Variants in MR1 observed in about 807,000 individuals in gnomAD.
MR1 encodes major histocompatibility complex, class I-related.
MR1 carries 44 observed loss-of-function variants against 37.8 expected under a neutral mutation model. The ratio of observed to expected loss-of-function variants is 1.16; its 90% confidence interval spans 0.91 to 1.50. The LOEUF is 1.50. Among genes scored for constraint, MR1 ranks in the 40% most tolerant of loss-of-function variants. MR1 has a pLI of 0.00. For missense variants in MR1, 386 were observed against 419.1 expected (o/e 0.92, Z 0.69); for synonymous variants, 153 against 155.8 (o/e 0.98, Z 0.13).
Position 181,043,902 on chromosome 1 carries a change from C to T in MR1, c.68-5150C>T, listed in dbSNP as rs995278206. Among the ~76,000 whole-genome samples, 3 of 149,386 alleles carry T rather than the reference C, an allele frequency of 2.0e-5. No individual in the cohort carries two copies. In the East Asian group the frequency reaches 5.9e-4, roughly 29 times the overall value. ...TAGAGAAAAGAAAAATATAAACAAACTTGTAGCACAGAAGCTAATCCAACT... is the reference window on the plus strand; with the variant it reads ...TAGAGAAAAGAAAAATATAAACAAATTTGTAGCACAGAAGCTAATCCAACT... On this transcript the variant is annotated intron_variant, in intron 1 of 5. Coordinates refer to ENST00000367580, the MANE Select transcript of MR1 (RefSeq NM_001385161.1).
rs199739806 is a variant in MR1 at position 181,050,002 on chromosome 1, G to A, written c.329-9G>A. The A allele has an allele frequency of 1.9e-6, 3 of 1,610,280 alleles. No individual in the cohort carries two copies. The highest frequency in any genetic ancestry group is 2.5e-6 in the Non-Finnish European group (3 of 1,178,548). On this transcript the variant is annotated splice_polypyrimidine_tract_variant and intron_variant, in intron 2 of 5. Coordinates refer to ENST00000367580, the MANE Select transcript of MR1 (RefSeq NM_001385161.1). ...TGTGGACCCCTCTGGGCTTCTGTGTGTGTTCCAGGGTCTCACACTTACCAG... is the reference window on the plus strand; with the variant it reads ...TGTGGACCCCTCTGGGCTTCTGTGTATGTTCCAGGGTCTCACACTTACCAG...
chr1:181,053,525 A>T, intron 4 of MR1, 48 bp from the exon 5 acceptor site: 1 of 1,424,928 alleles, frequency 7.0e-7, no homozygotes, highest in South Asian at 1.2e-5. Flanking sequence ...AAGTTAACAC[A>T]GAAGGGAAAG....
chr1:181,036,617 G>T (rs894705775), intron 1 of MR1, among the ~76,000 whole-genome samples: 1 of 152,178 alleles, frequency 6.6e-6, no homozygotes. Context: ...CTTTCAGTGT[G>T]TTGCTTTCAT....
chr1:181,049,688 G>C (rs546054744), intron 2 of MR1: 4 of 477,926 alleles, frequency 8.4e-6, no homozygotes. Flanking sequence ...TTTCCCAGGG[G>C]TATTTCTGGC....
intron 1 of MR1, among the ~76,000 whole-genome samples, chr1:181,044,067 C>T (rs1423289827): frequency 6.6e-6 from 1 of 150,542 alleles, no homozygotes; most frequent in Non-Finnish European, 1.5e-5. Flanking sequence ...GGGTTCACAC[C>T]ATTCTCCTGC....
rs1195144654 is a variant in MR1 at position 181,058,995 on chromosome 1, C to A, written c.*3730C>A. The A allele has an allele frequency of 1.3e-5, 2 of 152,226 alleles. No homozygotes were observed. Among genetic ancestry groups the A allele is most frequent in the Non-Finnish European group, 2.9e-5 (2 of 68,040 alleles). The allele number at this position is 152,226 out of a possible 1,614,324, so 9.4% of individuals were successfully genotyped here. ...ACACATTCTTGCTTGTTAGCACCTG[C>A]TCTCTGGAGTTTGCTATTTTCTCAC... On this transcript the variant is annotated 3_prime_UTR_variant, in exon 6 of 6. Coordinates refer to ENST00000367580, the MANE Select transcript of MR1 (RefSeq NM_001385161.1).
intron 1 of MR1, among the ~76,000 whole-genome samples, chr1:181,035,295 C>T (rs575170853): frequency 5.3e-5 from 8 of 152,108 alleles, no homozygotes; most frequent in South Asian, 4.2e-4. Context: ...CGAGATCATG[C>T]CACTGCACTC....
chr1:181,040,516 A>C (rs1290620278), intron 1 of MR1, among the ~76,000 whole-genome samples: 1 of 152,166 alleles, frequency 6.6e-6, no homozygotes, highest in East Asian at 1.9e-4. Context: ...CAGAGGTAAC[A>C]TTTTAAAGGC....
chr1:181,043,961 C>CT (rs11347634), intron 1 of MR1, among the ~76,000 whole-genome samples: 1,250 of 98,194 alleles, frequency 0.013, 34 homozygotes, highest in African/African-American at 0.027. Context: ...TTTGTCTGAT[C>CT]TTTTTTTTTT....
chr1:181,033,841 G>A (rs931119057), upstream of MR1: 15 of 564,616 alleles, frequency 2.7e-5, no homozygotes, highest in African/African-American at 7.6e-5. Flanking sequence ...AAAAGTTACC[G>A]AAGAAGGTGT....
At chr1:181,041,175 T>C (rs1657536112) in intron 1 of MR1, among the ~76,000 whole-genome samples, 1 of 152,238 alleles carries the variant, frequency 6.6e-6, no homozygotes, top group African/African-American at 2.4e-5. Flanking sequence ...TCTCTCTATC[T>C]ACCTCTTTTA....
intron 5 of MR1, among the ~76,000 whole-genome samples, chr1:181,054,381 G>A (rs1233258194): frequency 6.6e-6 from 1 of 152,170 alleles, no homozygotes; most frequent in Admixed American, 6.5e-5. Flanking sequence ...CCTGGCTCTG[G>A]CTTCACTAAT....
intron 1 of MR1, among the ~76,000 whole-genome samples, chr1:181,041,294 A>G (rs1030275119): frequency 1.3e-5 from 2 of 152,156 alleles, no homozygotes; most frequent in African/African-American, 4.8e-5. Context: ...CTTAACTGGA[A>G]TAAATCCTGC....
At chr1:181,033,927 A>G (rs1488973439), upstream of MR1, 2 of 1,167,622 alleles carry the variant, frequency 1.7e-6, no homozygotes, top group Admixed American at 4.8e-5. Context: ...TCTTATTGGG[A>G]GAAGGCCTTG....
intron 5 of MR1, 135 bp downstream of exon 5, chr1:181,053,812 G>A (rs1222938858): frequency 1.5e-6 from 1 of 647,904 alleles, no homozygotes; most frequent in Non-Finnish European, 2.8e-6. Flanking sequence ...GAAGGACCTG[G>A]GACAACCCTC....
At chr1:181,034,144 C>A in intron 1 of MR1, 70 bp downstream of exon 1, 1 of 1,481,102 alleles carries the variant, frequency 6.8e-7, no homozygotes, top group Non-Finnish European at 9.2e-7. Flanking sequence ...AGCTTTTCTT[C>A]CTAAAACTTG....
chr1:181,049,344 C>A, intron 2 of MR1, 32 bp downstream of exon 2: 1 of 1,592,134 alleles, frequency 6.3e-7, no homozygotes, highest in Non-Finnish European at 8.6e-7. Context: ...ACGCTTCCCC[C>A]ATCCCACCCC....
intron 1 of MR1, among the ~76,000 whole-genome samples, chr1:181,048,307 G>A (rs12079484): frequency 0.43 from 65,187 of 151,572 alleles, 14,144 homozygotes; most frequent in Middle Eastern, 0.55. Flanking sequence ...AGGCCGAGGT[G>A]TGCAGATCAT....
At chr1:181,043,500 A>T (rs1657679332) in intron 1 of MR1, among the ~76,000 whole-genome samples, 1 of 152,174 alleles carries the variant, frequency 6.6e-6, no homozygotes, top group Non-Finnish European at 1.5e-5. Flanking sequence ...AAGTGGGAGG[A>T]TCACTTAAGG....
Sources: gnomAD v4.1 joint callset for allele counts (sites outside exome capture counted in the v4.1 genomes callset) on GRCh38, gnomAD v4.1.1 for gene constraint, MANE v1.5 for transcripts, NCBI Gene and HGNC (gene_info 2026-07-23, HGNC 2026-07-21) for gene names.